The following BMAL1 variants were observed in gnomAD, a reference collection of about 807,000 sequenced individuals.
The protein encoded by BMAL1 is basic helix-loop-helix ARNT-like protein 1.
the BMAL1 span, among the ~76,000 whole-genome samples, chr11:13,325,764 G>A: frequency 1.3e-5 from 2 of 151,584 alleles, no homozygotes; most frequent in Non-Finnish European, 2.9e-5. Flanking sequence ...TTTCATCTCT[G>A]AGTAAGCACA....
At chr11:13,295,759 T>C in the BMAL1 span, among the ~76,000 whole-genome samples, 1 of 152,232 alleles carries the variant, frequency 6.6e-6, no homozygotes, top group South Asian at 2.1e-4. Flanking sequence ...TGCAGCTTTG[T>C]CTGAAGGCAA....
the BMAL1 span, chr11:13,365,272 G>T: frequency 1.1e-5 from 3 of 271,850 alleles, no homozygotes; most frequent in Non-Finnish European, 2.0e-5. Context: ...ATAATTAGAT[G>T]ATATGCAGAA....
chr11:13,355,735 T>C, the BMAL1 span, among the ~76,000 whole-genome samples: 2 of 152,130 alleles, frequency 1.3e-5, no homozygotes, highest in Non-Finnish European at 2.9e-5. Flanking sequence ...CCGTGCGGCC[T>C]GCGTGATCTC....
At chr11:13,356,177 T>C in the BMAL1 span, 1 of 436,094 alleles carries the variant, frequency 2.3e-6, no homozygotes, top group Admixed American at 2.5e-5. Context: ...ATCTAGGGGT[T>C]CCCACCTACC....
At chr11:13,318,262 A>G in the BMAL1 span, among the ~76,000 whole-genome samples, 1 of 152,210 alleles carries the variant, frequency 6.6e-6, no homozygotes, top group South Asian at 2.1e-4. Flanking sequence ...GGTAGGAAGG[A>G]TATTTTACTT....
the BMAL1 span, among the ~76,000 whole-genome samples, chr11:13,326,159 A>T: frequency 5.9e-5 from 9 of 151,576 alleles, no homozygotes; most frequent in African/African-American, 1.9e-4. Context: ...AGCCGATATC[A>T]TGCCACCGCA....
chr11:13,360,086 G>C, the BMAL1 span, among the ~76,000 whole-genome samples: 1 of 152,086 alleles, frequency 6.6e-6, no homozygotes, highest in African/African-American at 2.4e-5. Context: ...ATTATCTCTT[G>C]GTTTTCCCTG....
chr11:13,376,704 G>A, the BMAL1 span: 1 of 1,614,024 alleles, frequency 6.2e-7, no homozygotes, highest in Non-Finnish European at 8.5e-7. Context: ...CCACAGCATG[G>A]ACAGCATGCT....
At chr11:13,379,044 A>AC in the BMAL1 span, 1 of 152,188 alleles carries the variant, frequency 6.6e-6, no homozygotes, top group Non-Finnish European at 1.5e-5. Context: ...CTGTCTCTCT[A>AC]CCTGGCTATG....
the BMAL1 span, among the ~76,000 whole-genome samples, chr11:13,326,937 A>G: frequency 6.6e-6 from 1 of 151,898 alleles, no homozygotes; most frequent in East Asian, 2.0e-4. Context: ...CTCCTGCCTC[A>G]GCCTCCCGAG....
chr11:13,347,690 T>C, the BMAL1 span, among the ~76,000 whole-genome samples: 1 of 142,292 alleles, frequency 7.0e-6, no homozygotes. Context: ...CTACAAAAAA[T>C]ATAAAAACAA....
At chr11:13,342,115 C>T in the BMAL1 span, among the ~76,000 whole-genome samples, 48 of 152,330 alleles carry the variant, frequency 3.2e-4, no homozygotes, top group South Asian at 9.7e-3. Flanking sequence ...GGCTTCAGAT[C>T]CCATGTGGTC....
chr11:13,277,510 G>C, the BMAL1 span: 14 of 152,360 alleles, frequency 9.2e-5, no homozygotes, highest in African/African-American at 3.1e-4. Context: ...TGGCAGGAAA[G>C]TAGCAGGTAA....
chr11:13,354,227 C>T, the BMAL1 span: 3 of 1,416,978 alleles, frequency 2.1e-6, no homozygotes, highest in Non-Finnish European at 1.9e-6. Context: ...CCCCAAGCAC[C>T]AACCTGGGTT....
chr11:13,332,239 C>T, the BMAL1 span, among the ~76,000 whole-genome samples: 1 of 152,206 alleles, frequency 6.6e-6, no homozygotes, highest in Non-Finnish European at 1.5e-5. Flanking sequence ...GATGGTTGAT[C>T]TTCCTGCCCA....
the BMAL1 span, chr11:13,360,284 G>A: frequency 6.7e-7 from 1 of 1,492,480 alleles, no homozygotes; most frequent in South Asian, 1.2e-5. Context: ...GAGGCAGCAA[G>A]TTAGAATGAG....
chr11:13,325,442 T>C, the BMAL1 span, among the ~76,000 whole-genome samples: 3 of 152,126 alleles, frequency 2.0e-5, no homozygotes, highest in African/African-American at 7.2e-5. Context: ...TTTTTTTCTT[T>C]TCTTTTTTTT....
At chr11:13,326,816 T>C in the BMAL1 span, among the ~76,000 whole-genome samples, 1 of 151,542 alleles carries the variant, frequency 6.6e-6, no homozygotes, top group Non-Finnish European at 1.5e-5. Flanking sequence ...CTCACTGTTG[T>C]TTTGTTTTGT....
chr11:13,331,210 C>T, the BMAL1 span, among the ~76,000 whole-genome samples: 1 of 152,044 alleles, frequency 6.6e-6, no homozygotes, highest in Non-Finnish European at 1.5e-5. Flanking sequence ...CATAAGCAGA[C>T]CAAGATATGT....
Sources: allele counts gnomAD v4.1 joint callset (sites outside exome capture counted in the v4.1 genomes callset), GRCh38; gene constraint gnomAD v4.1.1; transcripts MANE v1.5; gene names NCBI Gene and HGNC (gene_info 2026-07-23, HGNC 2026-07-21).